PCCA: variants seen among roughly 807,000 people sequenced by gnomAD.
The protein encoded by PCCA is propionyl-CoA carboxylase subunit alpha.
In PCCA, 74 loss-of-function variants were observed where a neutral mutation model predicts 101.3. The ratio of observed to expected loss-of-function variants is 0.73; its 90% CI spans 0.61 to 0.89. PCCA has a LOEUF of 0.89. PCCA is among the 40% of genes least tolerant of loss of function. PCCA has a pLI of 0.00. For synonymous variants in PCCA, 294 were observed against 313.6 expected, an observed-to-expected ratio of 0.94 and a Z score of 0.66; for missense variants, 891 against 907.0, an observed-to-expected ratio of 0.98 and a Z score of 0.23.
At chr13:100,443,170 G>A (rs895341600) in intron 20 of PCCA, among the ~76,000 whole-genome samples, 5 of 152,088 alleles carry the variant, frequency 3.3e-5, no homozygotes, top group South Asian at 2.1e-4. Flanking sequence ...AGGAGGCACC[G>A]TCTGTTTCTA....
intron 18 of PCCA, among the ~76,000 whole-genome samples, chr13:100,348,780 CT>C (rs1476698618): frequency 0.044 from 2,651 of 60,220 alleles, 19 homozygotes; most frequent in Non-Finnish European, 0.055. Context: ...TTCTTTCTTT[CT>C]TTCTTTCTTC....
At chr13:100,333,591 G>A (rs779155579) in intron 17 of PCCA, among the ~76,000 whole-genome samples, 28 of 152,128 alleles carry the variant, frequency 1.8e-4, no homozygotes, top group Middle Eastern at 3.2e-3. Context: ...GTTGAAAAGC[G>A]GTTTCCCTTG....
At chr13:100,329,233 A>G (rs2152731374) in intron 16 of PCCA, among the ~76,000 whole-genome samples, 1 of 152,198 alleles carries the variant, frequency 6.6e-6, no homozygotes, top group African/African-American at 2.4e-5. Flanking sequence ...TATTTAGAGT[A>G]TGGAAATGAT....
rs1174852971 is a variant in PCCA, at chr13:100,327,863, T to G, written c.1430-2698T>G. On this transcript the variant is annotated intron_variant, in intron 16 of 23. Transcript: ENST00000376285. ...TGACTGTGTTTTTTTACTTGGTGTG[T>G]TTTTTGTCTTATAATTGTGTTGTAA... 2.6e-5 allele frequency among the ~76,000 whole-genome samples: 4 copies of G among 152,210 alleles called. No individual in the cohort carries two copies. In the East Asian group the frequency reaches 7.7e-4, roughly 29 times the overall value.
At chr13:100,516,838 C>A (rs1198591074) in intron 22 of PCCA, among the ~76,000 whole-genome samples, 1 of 151,302 alleles carries the variant, frequency 6.6e-6, no homozygotes, top group Non-Finnish European at 1.5e-5. Context: ...GTGGCCTTGA[C>A]ATTAAGAATC....
intron 18 of PCCA, among the ~76,000 whole-genome samples, chr13:100,351,366 A>G (rs1383467754): frequency 6.6e-6 from 1 of 152,210 alleles, no homozygotes; most frequent in African/African-American, 2.4e-5. Flanking sequence ...TAAAAAAGGA[A>G]TAGATTTGGT....
rs143260366 is a variant in PCCA, at chr13:100,323,504, G to C, written c.1430-7057G>C. On this transcript the variant is annotated intron_variant, in intron 16 of 23. Transcript: ENST00000376285. ...GGCTAATTATTGTATTTTTAGTAGAGACGGGGTTTCACCATGTTGGCCAGG... is the reference window on the plus strand; with the variant it reads ...GGCTAATTATTGTATTTTTAGTAGACACGGGGTTTCACCATGTTGGCCAGG... 1.5e-3 allele frequency among the ~76,000 whole-genome samples: 230 copies of C among 152,166 alleles called. 5 individuals carry two copies. The East Asian group carries it at 0.038, about 25-fold the overall frequency.
chr13:100,157,043 G>A (rs2053959498), intron 5 of PCCA, among the ~76,000 whole-genome samples: 1 of 152,212 alleles, frequency 6.6e-6, no homozygotes, highest in African/African-American at 2.4e-5. Flanking sequence ...GACAAAGGTA[G>A]TGTGTGGAAA....
intron 21 of PCCA, among the ~76,000 whole-genome samples, chr13:100,482,393 G>C (rs1410049115): frequency 6.6e-6 from 1 of 152,090 alleles, no homozygotes. Flanking sequence ...GATGAGGCAG[G>C]CTCCAAGAGA....
chr13:100,508,679 C>A (rs190392491), intron 21 of PCCA, among the ~76,000 whole-genome samples: 4 of 152,162 alleles, frequency 2.6e-5, no homozygotes, highest in Non-Finnish European at 5.9e-5. Context: ...TTCACTGAGG[C>A]GTGTTGGTTT....
chr13:100,470,294 A>C (rs2082899488), intron 21 of PCCA, among the ~76,000 whole-genome samples: 1 of 152,188 alleles, frequency 6.6e-6, no homozygotes, highest in South Asian at 2.1e-4. Context: ...TCTTCAGAGA[A>C]GATTATTTCC....
chr13:100,121,379 C>T (rs1327087348), intron 4 of PCCA, among the ~76,000 whole-genome samples: 2 of 151,582 alleles, frequency 1.3e-5, no homozygotes, highest in Admixed American at 6.6e-5. Flanking sequence ...AGGCTGGTCT[C>T]GAACTCCTGA....
chr13:100,242,111 T>C lies in PCCA; in HGVS notation c.637+6233T>C, dbSNP rs368842932. 1.0e-3 allele frequency among the ~76,000 whole-genome samples: 152 copies of C among 152,244 alleles called. 4 individuals carry two copies. In the South Asian group the frequency reaches 0.028, roughly 28 times the overall value. On this transcript the variant is annotated intron_variant, in intron 8 of 23. Coordinates refer to ENST00000376285, the MANE Select transcript of PCCA (RefSeq NM_000282.4). ...AGTGTGTGTGTAGAATAATATCTTATTGTAGCAGAGGGAAGAATAGATTAA... is the reference window on the plus strand; with the variant it reads ...AGTGTGTGTGTAGAATAATATCTTACTGTAGCAGAGGGAAGAATAGATTAA...
intron 19 of PCCA, among the ~76,000 whole-genome samples, chr13:100,382,787 G>T (rs1333711681): frequency 6.6e-6 from 1 of 152,104 alleles, no homozygotes; most frequent in Non-Finnish European, 1.5e-5. Context: ...AAAGGCAGTT[G>T]GGCTTGGAGA....
At chr13:100,177,437 TAGACTA>T (rs1487450383) in intron 6 of PCCA, among the ~76,000 whole-genome samples, 1 of 152,216 alleles carries the variant, frequency 6.6e-6, no homozygotes, top group African/African-American at 2.4e-5. Flanking sequence ...CTTGGTCTAT[TAGACTA>T]AGGGTCATAG....
intron 21 of PCCA, among the ~76,000 whole-genome samples, chr13:100,458,410 C>A (rs1429575687): frequency 8.0e-6 from 1 of 125,638 alleles, no homozygotes; most frequent in Non-Finnish European, 1.6e-5. Flanking sequence ...ACAGTGGGAC[C>A]CCATCTCTGC....
Position 100,102,904 on chromosome 13 carries a change from C to G in PCCA, c.127C>G (p.Gln43Glu). ...TLKHVLYYSR[Q>E]CLMVSRNLGS... ...GTAGCATGTTCTGTACTATTCAAGA[C>G]AGTGCTTAATGGTGTCCCGTAATCT... Residue 43 changes from glutamine (Q) to glutamate (E), a missense_variant, in exon 2 of 24, where the codon CAG becomes GAG. By Grantham distance (29) the Gln-to-Glu change is conservative. Transcript: ENST00000376285. 6.2e-7 allele frequency: 1 copy of G among 1,611,802 alleles called. No homozygotes were observed. The highest frequency in any genetic ancestry group is 8.5e-7 in the Non-Finnish European group (1 of 1,177,942).
In PCCA at chr13:100,340,597, A is replaced by C. The variant is rs112142022; in HGVS notation, c.1643+338A>C. On this transcript the variant is annotated intron_variant, in intron 18 of 23. Coordinates refer to ENST00000376285, the MANE Select transcript of PCCA (RefSeq NM_000282.4). ...GAAAAACGTTTGGAGAAGTATATTT[A>C]AATGTAGGAATGAATCTGGGCAGTT... Among the ~76,000 whole-genome samples, 383 of 152,334 alleles carry C rather than the reference A, an allele frequency of 2.5e-3. 4 individuals carry two copies. The South Asian group carries it at 0.028, about 11-fold the overall frequency.
At position 100,467,769 on chromosome 13, in the gene PCCA, C is replaced by A. The variant is rs112931974; in HGVS notation, c.1899+18464C>A. Among the ~76,000 whole-genome samples, 1,130 of 152,290 alleles carry A rather than the reference C, an allele frequency of 7.4e-3. 14 individuals are homozygous for A. The highest frequency in any genetic ancestry group is 0.026 in the African/African-American group (1,062 of 41,548). On this transcript the variant is annotated intron_variant, in intron 21 of 23. Coordinates refer to ENST00000376285, the MANE Select transcript of PCCA (RefSeq NM_000282.4). The stretch of plus-strand genomic sequence containing the variant: ...CTACATCTGCAGTTACTTCTTGAAC[C>A]CCTCAAAGTCACCCATGAGGGTTAG...
Sources: allele counts gnomAD v4.1 joint callset (sites outside exome capture counted in the v4.1 genomes callset), GRCh38; gene constraint gnomAD v4.1.1; transcripts MANE v1.5; gene names NCBI Gene and HGNC (gene_info 2026-07-23, HGNC 2026-07-21).